The following ERI1 variants were observed in gnomAD, a reference collection of about 807,000 sequenced individuals.
ERI1 encodes the protein exoribonuclease 1, also known as 3'-5' exoribonuclease 1.
ERI1 carries 39 observed loss-of-function variants against 39.7 expected under a neutral mutation model. That is an observed-to-expected ratio of 0.98 (90% CI 0.76 to 1.28). ERI1 has a LOEUF of 1.28. Ranked by LOEUF, ERI1 falls within the 50% of genes most tolerant of loss-of-function variation. ERI1 has a pLI of 0.00. For synonymous variants in ERI1, 204 were observed against 149.6 expected (o/e 1.36, Z -2.65); for missense variants, 581 against 416.9 (o/e 1.39, Z -3.43).
chr8:9,062,356 G>A (rs1275601455), intron 3 of ERI1, among the ~76,000 whole-genome samples: 2 of 151,870 alleles, frequency 1.3e-5, no homozygotes, highest in African/African-American at 2.4e-5. Flanking sequence ...AATGAGGTGT[G>A]GCTGTAGTCC....
chr8:9,018,805 GT>G (rs1008090821), intron 5 of ERI1, among the ~76,000 whole-genome samples: 22 of 151,750 alleles, frequency 1.4e-4, no homozygotes, highest in Non-Finnish European at 2.9e-4. Context: ...AATTCACATG[GT>G]TTACCCTTTC....
At chr8:9,018,771 C>T (rs1324583547) in intron 5 of ERI1, among the ~76,000 whole-genome samples, 2 of 152,210 alleles carry the variant, frequency 1.3e-5, no homozygotes, top group Non-Finnish European at 2.9e-5. Context: ...TGCCATTAAT[C>T]CTCTTTAGTC....
intron 3 of ERI1, among the ~76,000 whole-genome samples, chr8:9,053,493 C>T (rs914750782): frequency 4.6e-5 from 7 of 152,208 alleles, no homozygotes; most frequent in South Asian, 4.1e-4. Context: ...CCTCGTCCTA[C>T]ACGTCTCTTC....
intron 6 of ERI1, among the ~76,000 whole-genome samples, chr8:9,024,703 G>A (rs1818288765): frequency 6.6e-6 from 1 of 152,136 alleles, no homozygotes; most frequent in Non-Finnish European, 1.5e-5. Flanking sequence ...AGGATTACAG[G>A]CATGAGCCAC....
At chr8:9,089,495 C>T (rs1294390186) in intron 3 of ERI1, among the ~76,000 whole-genome samples, 3 of 152,062 alleles carry the variant, frequency 2.0e-5, no homozygotes, top group African/African-American at 7.2e-5. Context: ...TTCCATAGAC[C>T]ACTGGTGGTT....
intron 3 of ERI1, among the ~76,000 whole-genome samples, chr8:9,054,759 T>C (rs1798455468): frequency 1.3e-5 from 2 of 152,174 alleles, no homozygotes; most frequent in South Asian, 4.1e-4. Context: ...ACCCCATTTC[T>C]ACTAAAAATA....
At chr8:9,088,947 C>T (rs1044603744) in intron 3 of ERI1, among the ~76,000 whole-genome samples, 1 of 152,162 alleles carries the variant, frequency 6.6e-6, no homozygotes, top group African/African-American at 2.4e-5. Flanking sequence ...AGCAGCGTGA[C>T]GTTAGTTCCT....
chr8:9,094,936 G>C (rs1219756579), intron 3 of ERI1, among the ~76,000 whole-genome samples: 2 of 151,940 alleles, frequency 1.3e-5, no homozygotes, highest in African/African-American at 4.8e-5. Flanking sequence ...ATGGGTGGTA[G>C]GAAGGATCCA....
intron 3 of ERI1, among the ~76,000 whole-genome samples, chr8:9,045,362 A>G (rs1798143450): frequency 6.6e-6 from 1 of 152,010 alleles, no homozygotes; most frequent in African/African-American, 2.4e-5. Context: ...CCACTTACGT[A>G]TACTTGCACT....
At chr8:9,066,802 G>A (rs1308195204) in intron 3 of ERI1, among the ~76,000 whole-genome samples, 1 of 152,120 alleles carries the variant, frequency 6.6e-6, no homozygotes, top group African/African-American at 2.4e-5. Context: ...ACAGCTGGCT[G>A]GTTTGTCTCT....
chr8:9,024,636 C>A (rs187404364), intron 6 of ERI1, among the ~76,000 whole-genome samples: 1 of 152,128 alleles, frequency 6.6e-6, no homozygotes, highest in Admixed American at 6.5e-5. Context: ...GTTGGCCAGG[C>A]TGGTTTTGAA....
intron 6 of ERI1, among the ~76,000 whole-genome samples, chr8:9,029,505 A>G (rs1797433041): frequency 6.6e-6 from 1 of 151,898 alleles, no homozygotes; most frequent in Non-Finnish European, 1.5e-5. Flanking sequence ...ATTTTTTTGT[A>G]TTTTAAGAAG....
rs1278109988 is a variant in ERI1, at chr8:9,032,375, CTGA to C, written c.*2343_*2345del. The C allele has an allele frequency of 1.3e-5, 2 of 152,080 alleles. No homozygotes were observed. Among genetic ancestry groups the C allele is most frequent in the Non-Finnish European group, 2.9e-5 (2 of 68,026 alleles). The allele number at this position is 152,080 out of a possible 1,614,324, so 9.4% of individuals were successfully genotyped here. A position where few individuals can be genotyped will look rare whatever the true frequency, so the allele number is the denominator to read the frequency against. On this transcript the variant is annotated 3_prime_UTR_variant, in exon 7 of 7. Coordinates refer to ENST00000250263, the MANE Select transcript of ERI1 (RefSeq NM_153332.4). The stretch of plus-strand genomic sequence containing the variant: ...CTGACATTGACATAGTGGATTTCTG[CTGA>C]TTTTTTTCAAATCCGCAATCTTTAT...
chr8:9,018,123 T>A (rs1350681018), intron 4 of ERI1, among the ~76,000 whole-genome samples, 174 bp from the exon 5 acceptor site: 4 of 152,212 alleles, frequency 2.6e-5, no homozygotes, highest in African/African-American at 9.7e-5. Context: ...TTATGAAATT[T>A]TTAGAATTTC....
In ERI1 at chr8:9,086,440, C is replaced by G. The variant is rs569121271; in HGVS notation, n.300-29908C>G. On this transcript the variant is annotated intron_variant and non_coding_transcript_variant, in intron 3 of 3. Transcript: ENST00000518663. ...TGATGTGCACATGTAGTCCCAGCTA[C>G]TCTGGAGGCTGAGGTGGGAGGATCT... Among the ~76,000 whole-genome samples the G allele has an allele frequency of 2.6e-5, 4 of 152,276 alleles. No homozygotes were observed. In the East Asian group the frequency reaches 7.7e-4, roughly 29 times the overall value.
chr8:9,090,766 AC>A (rs1799677384), intron 3 of ERI1, among the ~76,000 whole-genome samples: 1 of 152,224 alleles, frequency 6.6e-6, no homozygotes, highest in East Asian at 1.9e-4. Flanking sequence ...GAGGAAAGAC[AC>A]AAGATCAAAA....
intron 6 of ERI1, among the ~76,000 whole-genome samples, chr8:9,021,970 T>C (rs1817956371): frequency 6.6e-6 from 1 of 152,042 alleles, no homozygotes; most frequent in African/African-American, 2.4e-5. Flanking sequence ...TTGTTGTGCA[T>C]GTCCCCTGGT....
intron 5 of ERI1, 32 bp downstream of exon 5, chr8:9,018,438 C>G: frequency 8.0e-7 from 1 of 1,252,804 alleles, no homozygotes; most frequent in Non-Finnish European, 1.1e-6. Flanking sequence ...TTTTTTATAT[C>G]TACTTTTTAA....
At chr8:9,020,511 T>C in intron 6 of ERI1, 47 bp downstream of exon 6, 1 of 1,228,232 alleles carries the variant, frequency 8.1e-7, no homozygotes, top group Non-Finnish European at 1.2e-6. Context: ...ATGATAAATT[T>C]GTTAAAATTT....
Sources: allele counts gnomAD v4.1 joint callset (sites outside exome capture counted in the v4.1 genomes callset), GRCh38; gene constraint gnomAD v4.1.1; transcripts MANE v1.5; gene names NCBI Gene and HGNC (gene_info 2026-07-23, HGNC 2026-07-21).